Variants in PAXBP1 observed in about 807,000 individuals in gnomAD.
The protein encoded by PAXBP1 is PAX3 and PAX7 binding protein 1.
Under a neutral mutation model 119.9 loss-of-function variants are expected in PAXBP1, and 44 were observed. That is an observed-to-expected ratio of 0.37 (90% confidence interval 0.29 to 0.47). PAXBP1 has a LOEUF of 0.47. Among genes scored for constraint, PAXBP1 ranks in the 20% least tolerant of loss-of-function variants. The pLI, the probability that PAXBP1 is intolerant of heterozygous loss-of-function variation, is 0.99. For synonymous variants in PAXBP1, 393 were observed against 406.6 expected (o/e 0.97, Z 0.40); for missense variants, 898 against 1,134.1 (o/e 0.79, Z 2.99).
Position 32,751,107 on chromosome 21 carries a change from T to A in PAXBP1, c.1607+12A>T. On this transcript the variant is annotated intron_variant, in intron 9 of 17. Coordinates refer to ENST00000331923, the MANE Select transcript of PAXBP1 (RefSeq NM_016631.4). ...TTCCCAAACAAGCCAGAGCAAGGGT[T>A]TTGAGAATTACCTCCTGGCCTCCCG... The A allele has an allele frequency of 6.2e-7, 1 of 1,613,440 alleles. No individual in the cohort carries two copies. Among genetic ancestry groups the A allele is most frequent in the Non-Finnish European group, 8.5e-7 (1 of 1,179,392 alleles).
chr21:32,769,723 C>G, intron 2 of PAXBP1, 91 bp downstream of exon 2: 3 of 1,393,424 alleles, frequency 2.2e-6, no homozygotes. Context: ...ACAGGGTCCA[C>G]TGAATGAGTT....
chr21:32,754,152 T>C (rs760586075), intron 8 of PAXBP1, among the ~76,000 whole-genome samples: 1 of 152,184 alleles, frequency 6.6e-6, no homozygotes, highest in Non-Finnish European at 1.5e-5. Context: ...ATCTGACATA[T>C]AGGAGGATGC....
chr21:32,765,926 G>A (rs12627178), intron 2 of PAXBP1, among the ~76,000 whole-genome samples: 38,659 of 152,050 alleles, frequency 0.25, 4,993 homozygotes, highest in East Asian at 0.35. Flanking sequence ...CCTGAGATCA[G>A]GAGTTCAAGA....
rs750456125 is a variant in PAXBP1 at position 32,751,103 on chromosome 21, G to A, written c.1607+16C>T. The A allele has an allele frequency of 1.9e-6, 3 of 1,613,314 alleles. No homozygotes were observed. The highest frequency in any genetic ancestry group is 3.3e-5 in the Admixed American group (2 of 59,992). On this transcript the variant is annotated intron_variant, in intron 9 of 17. Transcript: ENST00000331923. ...TCCCTTCCCAAACAAGCCAGAGCAA[G>A]GGTTTTGAGAATTACCTCCTGGCCT...
At chr21:32,747,810 G>A (rs564693708) in intron 11 of PAXBP1, among the ~76,000 whole-genome samples, 2 of 150,172 alleles carry the variant, frequency 1.3e-5, no homozygotes, top group South Asian at 2.1e-4. Context: ...TTTTCTTGTG[G>A]CAGGTCTTGT....
chr21:32,735,641 T>C (rs1166590187), intron 17 of PAXBP1, among the ~76,000 whole-genome samples: 4 of 152,230 alleles, frequency 2.6e-5, no homozygotes, highest in Non-Finnish European at 2.9e-5. Context: ...TAGAGGATTG[T>C]TGAAATGCAG....
At position 32,748,512 on chromosome 21, in the gene PAXBP1, C is replaced by T; in HGVS notation, c.1910G>A (p.Trp637Ter). 1 of 1,613,330 alleles carries T rather than the reference C, an allele frequency of 6.2e-7. No individual in the cohort carries two copies. ...NPLIRLQLLT[W>*]TPLEAKCRDF... ...GAAGCCACTCACCTCAAGAGGAGTC[C>T]AAGTGAGGAGCTGAAGTCGTATGAG... Residue 637 changes from tryptophan (W) to a stop codon, truncating the protein, a stop_gained, in exon 11 of 18, where the codon TGG becomes TAG. Transcript: ENST00000331923. LOFTEE classifies it high-confidence loss of function.
chr21:32,739,938 TAAAAAAAAAAAAAAAAA>T (rs756477858), intron 15 of PAXBP1, among the ~76,000 whole-genome samples: 5 of 47,006 alleles, frequency 1.1e-4, no homozygotes, highest in African/African-American at 4.6e-4. Flanking sequence ...CTCGTCTCTT[TAAAAAAAAAAAAAAAAA>T]AAAAAAAAAA....
chr21:32,743,096 T>G (rs1485394849), intron 15 of PAXBP1, 152 bp downstream of exon 15: 3 of 730,396 alleles, frequency 4.1e-6, no homozygotes, highest in Non-Finnish European at 7.5e-6. Context: ...GAATGAACTT[T>G]TGGAATAAAA....
chr21:32,758,932 G>T, intron 7 of PAXBP1, 148 bp downstream of exon 7: 2 of 716,192 alleles, frequency 2.8e-6, no homozygotes, highest in Non-Finnish European at 4.5e-6. Flanking sequence ...CACTAATGAA[G>T]TGAAGAAAAA....
intron 10 of PAXBP1, 29 bp downstream of exon 10, chr21:32,750,888 T>G (rs371287112): frequency 6.6e-6 from 10 of 1,519,216 alleles, no homozygotes; most frequent in Non-Finnish European, 9.1e-6. Context: ...AAACTGATGA[T>G]GAGTCTTATT....
intron 11 of PAXBP1, among the ~76,000 whole-genome samples, chr21:32,747,420 G>C (rs544939911): frequency 1.3e-5 from 2 of 152,264 alleles, no homozygotes; most frequent in East Asian, 3.9e-4. Flanking sequence ...CTGTGGGGCA[G>C]AGGAGTGGGG....
chr21:32,770,094 C>G, intron 1 of PAXBP1, 152 bp from the exon 2 acceptor site: 1 of 596,646 alleles, frequency 1.7e-6, no homozygotes, highest in South Asian at 2.5e-5. Context: ...CTGTCACAGA[C>G]TCAAAAACAG....
At chr21:32,737,170 T>C (rs2043704244) in intron 17 of PAXBP1, 84 bp downstream of exon 17, 1 of 1,086,790 alleles carries the variant, frequency 9.2e-7, no homozygotes, top group African/African-American at 1.6e-5. Flanking sequence ...AACTAAAATA[T>C]AAACATCTCT....
At position 32,759,854 on chromosome 21, in the gene PAXBP1, A is replaced by G; in HGVS notation, c.1116T>C (p.Asn372=). The G allele has an allele frequency of 1.2e-6, 2 of 1,614,040 alleles. No individual in the cohort carries two copies. Among genetic ancestry groups the G allele is most frequent in the Non-Finnish European group, 1.7e-6 (2 of 1,179,910 alleles). ...SSDAKSQKTD[N]TVPFKTPSNE... ...TACTGGGAGTTTTGAAAGGGACTGT[A>G]TTATCTGTTTTTTGAGATTTGGCAT... is the stretch of plus-strand genomic sequence containing the variant. Residue 372 remains asparagine, a synonymous_variant, in exon 6 of 18, where the codon AAT becomes AAC. Transcript: ENST00000331923.
intron 15 of PAXBP1, 177 bp downstream of exon 15, chr21:32,743,071 G>GA (rs1287500086): frequency 5.8e-6 from 4 of 695,126 alleles, no homozygotes; most frequent in Non-Finnish European, 1.1e-5. Context: ...TTTCTCCTGT[G>GA]AAAATATCAA....
intron 2 of PAXBP1, among the ~76,000 whole-genome samples, chr21:32,767,849 A>G (rs2044270008): frequency 6.6e-6 from 1 of 152,184 alleles, no homozygotes; most frequent in South Asian, 2.1e-4. Flanking sequence ...TACAACAACC[A>G]TGACAACAGG....
At chr21:32,737,979 A>G (rs910546550) in intron 16 of PAXBP1, among the ~76,000 whole-genome samples, 194 bp downstream of exon 16, 2 of 152,136 alleles carry the variant, frequency 1.3e-5, no homozygotes, top group Non-Finnish European at 2.9e-5. Flanking sequence ...ATATATATAT[A>G]TAACAGTATG....
At chr21:32,753,476 T>C (rs2043994964) in intron 8 of PAXBP1, among the ~76,000 whole-genome samples, 1 of 149,502 alleles carries the variant, frequency 6.7e-6, no homozygotes, top group African/African-American at 2.5e-5. Context: ...ACTGCATGTA[T>C]AGGTTTTGTA....
Sources: allele counts gnomAD v4.1 joint callset (sites outside exome capture counted in the v4.1 genomes callset), GRCh38; gene constraint gnomAD v4.1.1; transcripts MANE v1.5; gene names NCBI Gene and HGNC (gene_info 2026-07-23, HGNC 2026-07-21).